UVRAG: variants seen among roughly 807,000 people sequenced by gnomAD.
UVRAG encodes UV radiation resistance-associated gene protein.
Under a neutral mutation model 78.0 loss-of-function variants are expected in UVRAG, and 19 were observed. The ratio of observed to expected loss-of-function variants is 0.24; its 90% CI spans 0.17 to 0.36. The LOEUF (loss-of-function observed/expected upper bound fraction) is 0.36. Among genes scored for constraint, UVRAG ranks in the 10% least tolerant of loss-of-function variants. The pLI is 1.00. For synonymous variants in UVRAG, 323 were observed against 324.6 expected, an observed-to-expected ratio of 1.00 and a Z score of 0.05; for missense variants, 740 against 853.8, an observed-to-expected ratio of 0.87 and a Z score of 1.66.
chr11:76,125,583 A>G (rs899024512), intron 14 of UVRAG, among the ~76,000 whole-genome samples: 1 of 152,188 alleles, frequency 6.6e-6, no homozygotes, highest in African/African-American at 2.4e-5. Flanking sequence ...TCCTTTGTGC[A>G]CTAACCCTCC....
intron 13 of UVRAG, among the ~76,000 whole-genome samples, chr11:76,075,088 A>AT (rs1951379630): frequency 6.6e-6 from 1 of 152,212 alleles, no homozygotes; most frequent in Non-Finnish European, 1.5e-5. Flanking sequence ...TCTTTAACAT[A>AT]CAGCCAAATG....
intron 2 of UVRAG, among the ~76,000 whole-genome samples, chr11:75,857,306 T>C (rs1038753222): frequency 6.6e-6 from 1 of 152,244 alleles, no homozygotes; most frequent in Admixed American, 6.5e-5. Flanking sequence ...GTTACCTCTC[T>C]GAACTCATTT....
At chr11:75,890,382 T>A (rs1299187224) in intron 5 of UVRAG, among the ~76,000 whole-genome samples, 5 of 152,114 alleles carry the variant, frequency 3.3e-5, no homozygotes, top group Non-Finnish European at 5.9e-5. Context: ...GAAGATAGAT[T>A]TAAGAAAGTT....
At chr11:75,864,060 CTT>C (rs748128698) in intron 3 of UVRAG, among the ~76,000 whole-genome samples, 16 of 141,242 alleles carry the variant, frequency 1.1e-4, no homozygotes, top group Non-Finnish European at 1.1e-4. Context: ...GTTCTATTAA[CTT>C]TTTTTTTTTT....
intron 6 of UVRAG, among the ~76,000 whole-genome samples, chr11:75,935,926 CA>C (rs1252906186): frequency 2.0e-5 from 3 of 152,144 alleles, no homozygotes; most frequent in Non-Finnish European, 4.4e-5. Context: ...TAAAGGATTC[CA>C]TCTAAGACCA....
chr11:75,927,875 A>T (rs528838649), intron 6 of UVRAG, among the ~76,000 whole-genome samples: 2 of 152,254 alleles, frequency 1.3e-5, no homozygotes, highest in South Asian at 2.1e-4. Context: ...TTTTCCAAGC[A>T]TGATAAGAAG....
chr11:75,936,532 A>G (rs183813929), intron 6 of UVRAG, among the ~76,000 whole-genome samples: 2 of 152,286 alleles, frequency 1.3e-5, no homozygotes, highest in East Asian at 3.9e-4. Flanking sequence ...ATCTGGTAGT[A>G]TAAGTATTTA....
intron 6 of UVRAG, among the ~76,000 whole-genome samples, chr11:75,933,899 G>A (rs1591035138): frequency 6.6e-6 from 1 of 152,334 alleles, no homozygotes; most frequent in East Asian, 1.9e-4. Context: ...TACACTGTTA[G>A]TGGAAATGTA....
In UVRAG at chr11:76,141,520, A is replaced by G. The variant is rs1952723573; in HGVS notation, c.*107A>G. The stretch of plus-strand genomic sequence containing the variant: ...GATGACACAAAATGAATATTAATGG[A>G]GGATATTCCTCGGAAAAACAGACTT... On this transcript the variant is annotated 3_prime_UTR_variant, in exon 15 of 15. Coordinates refer to ENST00000356136, the MANE Select transcript of UVRAG (RefSeq NM_003369.4). The G allele has an allele frequency of 2.6e-6, 3 of 1,133,424 alleles. No homozygotes were observed. In the East Asian group the frequency reaches 7.5e-5, roughly 29 times the overall value. The allele number at this position is 1,133,424 out of a possible 1,614,324, so 70.2% of individuals were successfully genotyped here.
chr11:75,863,761 G>T (rs1014262903), intron 3 of UVRAG, among the ~76,000 whole-genome samples: 2 of 152,144 alleles, frequency 1.3e-5, no homozygotes, highest in Non-Finnish European at 2.9e-5. Context: ...GGGAGGATTG[G>T]ACTAAAACAC....
chr11:76,047,559 A>G (rs1950783573), intron 12 of UVRAG, among the ~76,000 whole-genome samples: 1 of 152,184 alleles, frequency 6.6e-6, no homozygotes, highest in Non-Finnish European at 1.5e-5. Flanking sequence ...AGGACAAGGG[A>G]AGGGAAAAGA....
chr11:75,858,625 T>C (rs1343404613), intron 2 of UVRAG, among the ~76,000 whole-genome samples: 1 of 152,230 alleles, frequency 6.6e-6, no homozygotes, highest in Non-Finnish European at 1.5e-5. Flanking sequence ...GTAAATTTCA[T>C]AAAGTGGAAT....
rs1946900896 is a variant in UVRAG, at chr11:75,879,971, G to T, written c.363G>T (p.Lys121Asn). The T allele has an allele frequency of 1.2e-6, 2 of 1,614,162 alleles. No individual in the cohort carries two copies. Among genetic ancestry groups the T allele is most frequent in the Non-Finnish European group, 8.5e-7 (1 of 1,180,012 alleles). ...SCFVVKIWGG[K>N]ENIYQLLIEW... is the part of the protein sequence containing the mutation. The stretch of plus-strand genomic sequence containing the variant: ...TCGTGGTGAAGATATGGGGTGGAAA[G>T]GAGAACATCTACCAGCTGTTGATTG... Residue 121 changes from lysine to asparagine, a missense_variant, in exon 4 of 15, where the codon AAG becomes AAT. Transcript: ENST00000356136.
intron 13 of UVRAG, among the ~76,000 whole-genome samples, chr11:76,071,464 CAG>C (rs1565148213): frequency 1.3e-5 from 2 of 152,124 alleles, no homozygotes; most frequent in African/African-American, 4.8e-5. Context: ...GAGACCACAG[CAG>C]AGTTTCCTAA....
Position 75,999,248 on chromosome 11 carries a change from A to AAAAG in UVRAG, c.827-4756_827-4753dup, listed in dbSNP as rs1565112263. On this transcript the variant is annotated intron_variant, in intron 8 of 14. Coordinates refer to ENST00000356136, the MANE Select transcript of UVRAG (RefSeq NM_003369.4). Reference sequence around the variant, plus strand: ...ACTCTGCCTCAGAGAAAAAAAAAAAAAAAGTCAACTTTCTAAGGCAAAAAT... The same window carrying AAAAG: ...ACTCTGCCTCAGAGAAAAAAAAAAAAAAAGAAAGTCAACTTTCTAAGGCAAAAAT... Among the ~76,000 whole-genome samples the AAAAG allele has an allele frequency of 3.6e-4, 2 of 5,612 alleles. 1 individual carries two copies. Among genetic ancestry groups the AAAAG allele is most frequent in the Non-Finnish European group, 1.6e-3 (2 of 1,262 alleles). The allele number at this position is 5,612 out of a possible 152,430, so 3.7% of individuals were successfully genotyped here.
chr11:76,114,824 A>G (rs1952146523), intron 13 of UVRAG, among the ~76,000 whole-genome samples: 1 of 152,158 alleles, frequency 6.6e-6, no homozygotes, highest in African/African-American at 2.4e-5. Context: ...TTCTATTCAC[A>G]TGATTTGTGG....
chr11:75,959,686 C>T (rs1948873370), intron 6 of UVRAG, among the ~76,000 whole-genome samples: 1 of 152,170 alleles, frequency 6.6e-6, no homozygotes. Flanking sequence ...AAGAACTTTT[C>T]CTTTGCATTC....
At chr11:75,878,456 G>C (rs1483787451) in intron 3 of UVRAG, 7 of 172,882 alleles carry the variant, frequency 4.0e-5, no homozygotes. Flanking sequence ...TCCTAGACGG[G>C]GTGGCGGCCG....
chr11:75,952,656 A>T (rs954370254), intron 6 of UVRAG, among the ~76,000 whole-genome samples: 5 of 152,006 alleles, frequency 3.3e-5, no homozygotes, highest in African/African-American at 1.2e-4. Context: ...CAGTTGCTTT[A>T]TCCTTTTCAT....
Sources: gnomAD v4.1 joint callset for allele counts (sites outside exome capture counted in the v4.1 genomes callset) on GRCh38, gnomAD v4.1.1 for gene constraint, MANE v1.5 for transcripts, NCBI Gene and HGNC (gene_info 2026-07-23, HGNC 2026-07-21) for gene names.